SGMS1: variants seen among roughly 807,000 people sequenced by gnomAD.
SGMS1 encodes the protein sphingomyelin synthase 1.
In SGMS1, 13 loss-of-function variants were observed where a neutral mutation model predicts 46.2. The ratio of observed to expected loss-of-function variants is 0.28; its 90% CI spans 0.18 to 0.45. The LOEUF is 0.45. Among genes scored for constraint, SGMS1 ranks in the 20% least tolerant of loss-of-function variants. The probability of loss-of-function intolerance (pLI) is 1.00; values close to 1 mark genes in which losing one functional copy is unlikely to be tolerated. For missense variants in SGMS1, 324 were observed against 519.9 expected, an observed-to-expected ratio of 0.62 and a Z score of 3.66; for synonymous variants, 203 against 187.8, an observed-to-expected ratio of 1.08 and a Z score of -0.66.
intron 2 of SGMS1, among the ~76,000 whole-genome samples, chr10:50,551,709 G>A (rs1037561506): frequency 1.3e-5 from 2 of 151,872 alleles, no homozygotes; most frequent in East Asian, 3.9e-4. Context: ...ACTGTCTTTG[G>A]CTCCTCTCCC....
intron 3 of SGMS1, among the ~76,000 whole-genome samples, chr10:50,518,618 C>T (rs967532076): frequency 1.3e-5 from 2 of 152,006 alleles, no homozygotes; most frequent in African/African-American, 2.4e-5. Context: ...GTAAAGACAC[C>T]ATGTTGGCCA....
chr10:50,556,603 A>G (rs1838191199), intron 2 of SGMS1, among the ~76,000 whole-genome samples: 1 of 152,332 alleles, frequency 6.6e-6, no homozygotes, highest in South Asian at 2.1e-4. Context: ...GGGAACAATC[A>G]TCAGAGGTAA....
chr10:50,624,886 CG>C, upstream of SGMS1: 1 of 999,962 alleles, frequency 1.0e-6, no homozygotes, highest in Non-Finnish European at 1.2e-6. Context: ...ACTTGGCGAG[CG>C]GGGGAAGGGG....
chr10:50,311,462 C>T, intron 8 of SGMS1, 47 bp from the exon 9 acceptor site: 1 of 1,582,074 alleles, frequency 6.3e-7, no homozygotes, highest in Non-Finnish European at 8.6e-7. Context: ...ATTACGAGCC[C>T]ACATGAAAAT....
intron 8 of SGMS1, among the ~76,000 whole-genome samples, chr10:50,314,099 AG>A (rs1171357249): frequency 6.6e-6 from 1 of 152,208 alleles, no homozygotes; most frequent in Non-Finnish European, 1.5e-5. Flanking sequence ...AAGTAAAATA[AG>A]ACCAACTTAG....
At chr10:50,314,350 C>T (rs1847305143) in intron 8 of SGMS1, among the ~76,000 whole-genome samples, 2 of 151,942 alleles carry the variant, frequency 1.3e-5, no homozygotes, top group African/African-American at 4.8e-5. Context: ...GAAGAGCAGG[C>T]CACGAAACAG....
intron 1 of SGMS1, among the ~76,000 whole-genome samples, chr10:50,622,623 T>C (rs949065063): frequency 1.3e-5 from 2 of 152,234 alleles, no homozygotes; most frequent in African/African-American, 4.8e-5. Flanking sequence ...GAAAGCAGCC[T>C]TCACTTGGTT....
intron 2 of SGMS1, among the ~76,000 whole-genome samples, chr10:50,549,102 T>G (rs1354184242): frequency 2.6e-5 from 4 of 152,106 alleles, no homozygotes; most frequent in African/African-American, 9.7e-5. Context: ...GGTGGGAAGG[T>G]AAATTAGTCC....
At chr10:50,413,672 T>C (rs1849130755) in intron 6 of SGMS1, among the ~76,000 whole-genome samples, 1 of 152,144 alleles carries the variant, frequency 6.6e-6, no homozygotes. Flanking sequence ...CAAAAACGTG[T>C]CCAAATATAC....
At chr10:50,435,681 G>T (rs759704402) in intron 5 of SGMS1, among the ~76,000 whole-genome samples, 9 of 152,078 alleles carry the variant, frequency 5.9e-5, no homozygotes, top group Admixed American at 3.9e-4. Context: ...AATTCTTCTG[G>T]TGTACATTCT....
intron 8 of SGMS1, among the ~76,000 whole-genome samples, chr10:50,320,303 C>T (rs535062248): frequency 2.6e-5 from 4 of 152,302 alleles, no homozygotes; most frequent in African/African-American, 9.6e-5. Flanking sequence ...CTTGCCTTTG[C>T]CACTCAGTAC....
upstream of SGMS1, chr10:50,624,049 G>A (rs1838886713): frequency 2.5e-5 from 25 of 985,304 alleles, no homozygotes; most frequent in South Asian, 9.4e-5. Flanking sequence ...CGGGGGGGCG[G>A]GCCGGCCGGG....
At chr10:50,345,595 T>C (rs1219101204) in intron 6 of SGMS1, among the ~76,000 whole-genome samples, 1 of 152,206 alleles carries the variant, frequency 6.6e-6, no homozygotes, top group Non-Finnish European at 1.5e-5. Context: ...TAACTGTAAC[T>C]ATGGCTAACT....
At chr10:50,444,910 A>C (rs970822595) in intron 5 of SGMS1, among the ~76,000 whole-genome samples, 33 of 152,244 alleles carry the variant, frequency 2.2e-4, no homozygotes, top group African/African-American at 8.0e-4. Flanking sequence ...GACAAAGTTA[A>C]GAAAATGAAA....
chr10:50,612,473 C>T lies in SGMS1; in HGVS notation c.-684+11234G>A, dbSNP rs891140155. Among the ~76,000 whole-genome samples the T allele has an allele frequency of 1.5e-4, 23 of 151,794 alleles. 1 individual carries two copies. The highest frequency in any genetic ancestry group is 2.6e-4 in the Admixed American group (4 of 15,234). On this transcript the variant is annotated intron_variant, in intron 1 of 10. Transcript: ENST00000361781. Reference sequence around the variant, plus strand: ...TTGTTAATGAATAATAAGCAGCTGGCGAAAAGGAGGAGTGGAGGGGAGAAA... The same window carrying T: ...TTGTTAATGAATAATAAGCAGCTGGTGAAAAGGAGGAGTGGAGGGGAGAAA...
Position 50,379,438 on chromosome 10 carries a change from TTATATA to T in SGMS1, c.-231-35099_-231-35094del, listed in dbSNP as rs5784831. ...TTCACATATATGTGGGCATATACAT[TTATATA>T]TATATATATATATGTGCACGTGTAT... On this transcript the variant is annotated intron_variant, in intron 6 of 10. Coordinates refer to ENST00000361781, the MANE Select transcript of SGMS1 (RefSeq NM_147156.4). 6.0e-4 allele frequency among the ~76,000 whole-genome samples: 90 copies of T among 149,998 alleles called. 1 individual carries two copies. Among genetic ancestry groups the T allele is most frequent in the African/African-American group, 9.5e-4 (39 of 41,066 alleles).
chr10:50,452,346 C>T (rs182364155), intron 5 of SGMS1, among the ~76,000 whole-genome samples: 79 of 152,194 alleles, frequency 5.2e-4, no homozygotes, highest in African/African-American at 1.3e-3. Flanking sequence ...GAGGAGACTG[C>T]GCTGTACCTA....
chr10:50,308,274 G>A (rs1847205315), intron 9 of SGMS1, 126 bp from the exon 10 acceptor site: 1 of 784,288 alleles, frequency 1.3e-6, no homozygotes, highest in South Asian at 2.1e-5. Flanking sequence ...CAGATCTAGT[G>A]AATCTAAGGG....
chr10:50,608,711 G>A (rs909671968), intron 1 of SGMS1, among the ~76,000 whole-genome samples: 2 of 152,164 alleles, frequency 1.3e-5, no homozygotes, highest in African/African-American at 4.8e-5. Flanking sequence ...AAACACACCT[G>A]ATATGACTAT....
Sources: allele counts gnomAD v4.1 joint callset (sites outside exome capture counted in the v4.1 genomes callset), GRCh38; gene constraint gnomAD v4.1.1; transcripts MANE v1.5; gene names NCBI Gene and HGNC (gene_info 2026-07-23, HGNC 2026-07-21).